Variants in RP1 observed in about 807,000 individuals in gnomAD.
The protein encoded by RP1 is oxygen-regulated protein 1.
A neutral mutation model predicts 14.8 loss-of-function variants in RP1; 16 were observed. The ratio of observed to expected loss-of-function variants is 1.08; its 90% CI spans 0.73 to 1.65. The LOEUF (loss-of-function observed/expected upper bound fraction) is 1.65, where lower values mean the gene tolerates loss of function less well. Among genes scored for constraint, RP1 ranks in the 40% most tolerant of loss-of-function variants. The probability of loss-of-function intolerance (pLI) is 0.00; values close to 1 mark genes in which losing one functional copy is unlikely to be tolerated. For missense variants in RP1, 2,631 were observed against 2,535.0 expected (o/e 1.04, Z -0.81); for synonymous variants, 876 against 883.6 (o/e 0.99, Z 0.15).
At chr8:54,604,998 T>C (rs1805392754) in intron 1 of RP1, among the ~76,000 whole-genome samples, 1 of 152,182 alleles carries the variant, frequency 6.6e-6, no homozygotes, top group Admixed American at 6.5e-5. Context: ...AGCTCCTGGA[T>C]TCATTGATTT....
intron 24 of RP1, among the ~76,000 whole-genome samples, chr8:54,790,231 C>G (rs1315246632): frequency 1.3e-5 from 2 of 152,180 alleles, no homozygotes. Context: ...AACATCAGAG[C>G]ATGGGCAGAT....
chr8:54,839,769 C>A (rs1200485541), intron 25 of RP1, among the ~76,000 whole-genome samples: 1 of 152,110 alleles, frequency 6.6e-6, no homozygotes, highest in Non-Finnish European at 1.5e-5. Flanking sequence ...TGGGTACGTG[C>A]CCCCAGATAC....
At chr8:54,852,917 A>G (rs1319117971) in intron 26 of RP1, among the ~76,000 whole-genome samples, 1 of 152,232 alleles carries the variant, frequency 6.6e-6, no homozygotes, top group Non-Finnish European at 1.5e-5. Context: ...ACTTAACTCA[A>G]CAAACACAAT....
At chr8:54,743,478 C>T (rs535057482) in intron 19 of RP1, among the ~76,000 whole-genome samples, 2 of 152,204 alleles carry the variant, frequency 1.3e-5, no homozygotes, top group African/African-American at 2.4e-5. Flanking sequence ...CAAGGTAGAA[C>T]TTTTTCCTTC....
chr8:54,792,186 T>A (rs1639090121), intron 24 of RP1, among the ~76,000 whole-genome samples: 2 of 151,946 alleles, frequency 1.3e-5, no homozygotes, highest in African/African-American at 4.8e-5. Flanking sequence ...TACCCAACAC[T>A]GAGCATCTAA....
intron 23 of RP1, chr8:54,783,401 A>G: frequency 2.3e-6 from 1 of 431,520 alleles, no homozygotes; most frequent in African/African-American, 2.0e-5. Context: ...TTCAAGGAGG[A>G]AATCCATGAT....
intron 22 of RP1, among the ~76,000 whole-genome samples, chr8:54,759,695 G>T (rs1326633383): frequency 1.3e-5 from 2 of 152,116 alleles, no homozygotes; most frequent in Non-Finnish European, 2.9e-5. Context: ...GAAGAAGCCT[G>T]GTTCTCTAGA....
chr8:54,844,159 G>A (rs1285183519), intron 25 of RP1, among the ~76,000 whole-genome samples: 1 of 152,154 alleles, frequency 6.6e-6, no homozygotes, highest in Non-Finnish European at 1.5e-5. Context: ...TCCTGAGAGA[G>A]CATGGCCCCA....
At chr8:54,738,801 C>T (rs887555864) in intron 18 of RP1, 12 of 511,448 alleles carry the variant, frequency 2.3e-5, no homozygotes, top group Non-Finnish European at 6.9e-6. Context: ...GAGGGCATTT[C>T]ATTTCTAGAC....
chr8:54,603,183 A>C (rs1266318486), intron 1 of RP1, among the ~76,000 whole-genome samples: 29 of 152,182 alleles, frequency 1.9e-4, no homozygotes, highest in Admixed American at 1.7e-3. Context: ...CTAACATTTA[A>C]GTCCTTAATC....
chr8:54,679,879 C>T (rs1314264852), exon 12 of RP1: 11 of 1,535,854 alleles, frequency 7.2e-6, no homozygotes, highest in Admixed American at 3.9e-5. Context: ...AGGGTTTGTC[C>T]GTTTGCATCC....
intron 24 of RP1, among the ~76,000 whole-genome samples, chr8:54,820,917 C>T (rs1018924642): frequency 9.2e-5 from 14 of 151,952 alleles, no homozygotes; most frequent in African/African-American, 2.7e-4. Context: ...TCCAGGAATC[C>T]GCAGGAGGAT....
At chr8:54,696,990 A>G in intron 12 of RP1, 1 of 1,400,808 alleles carries the variant, frequency 7.1e-7, no homozygotes, top group African/African-American at 1.4e-5. Context: ...CCAGGGAATC[A>G]TTTCCAGGAG....
chr8:54,594,396 G>T (rs970655281), intron 1 of RP1, among the ~76,000 whole-genome samples: 1 of 152,238 alleles, frequency 6.6e-6, no homozygotes. Flanking sequence ...GATCTGGCAG[G>T]CACTGGTCTA....
exon 13 of RP1, chr8:54,699,467 G>T (rs960808809): frequency 1.5e-6 from 2 of 1,345,328 alleles, no homozygotes; most frequent in South Asian, 2.0e-5. Context: ...TGTTTTCCAG[G>T]TGTCTTTGAT....
chr8:54,693,939 G>T (rs982024802), intron 12 of RP1, among the ~76,000 whole-genome samples: 3 of 152,084 alleles, frequency 2.0e-5, no homozygotes, highest in African/African-American at 7.2e-5. Context: ...CATTCAGTAT[G>T]ATATTGGGTG....
intron 1 of RP1, among the ~76,000 whole-genome samples, chr8:54,599,556 T>G (rs892079816): frequency 7.2e-5 from 11 of 152,070 alleles, no homozygotes; most frequent in African/African-American, 1.2e-4. Context: ...TCTCCTGGCT[T>G]CAATCAGTTC....
In RP1 at chr8:54,663,680, T is replaced by C. The variant is rs932064357; in HGVS notation, c.1172-19T>C. On this transcript the variant is annotated intron_variant, in intron 6 of 22. Transcript: ENST00000636932. ...TGAGTACTGCTTGGCACTGAAAGTT[T>C]TTTTTCTTATGTTGTCAGTGACAAT... The C allele has an allele frequency of 3.3e-6, 5 of 1,507,966 alleles. No individual in the cohort carries two copies. The Admixed American group carries it at 9.1e-5, about 28-fold the overall frequency. 93.4% of individuals were successfully genotyped at this position (1,507,966 alleles called of 1,614,324 possible).
chr8:54,751,661 T>C (rs1348466683), intron 19 of RP1, among the ~76,000 whole-genome samples: 1 of 152,246 alleles, frequency 6.6e-6, no homozygotes, highest in Non-Finnish European at 1.5e-5. Flanking sequence ...TTGTTTCACT[T>C]GCCACATGCC....
Sources: gnomAD v4.1 joint callset for allele counts (sites outside exome capture counted in the v4.1 genomes callset) on GRCh38, gnomAD v4.1.1 for gene constraint, MANE v1.5 for transcripts, NCBI Gene and HGNC (gene_info 2026-07-23, HGNC 2026-07-21) for gene names.